The following ZNF670 variants were observed in gnomAD, a reference collection of about 807,000 sequenced individuals.
ZNF670 encodes zinc finger protein 670.
In ZNF670, 7 loss-of-function variants were observed where a neutral mutation model predicts 10.9. The ratio of observed to expected loss-of-function variants is 0.64; its 90% CI spans 0.36 to 1.20. The LOEUF (loss-of-function observed/expected upper bound fraction) is 1.20. ZNF670 is among the 50% of genes most tolerant of loss of function. The probability of loss-of-function intolerance (pLI) is 0.02; values close to 1 mark genes in which losing one functional copy is unlikely to be tolerated. For missense variants in ZNF670, 446 were observed against 458.6 expected (o/e 0.97, Z 0.25); for synonymous variants, 136 against 152.7 (o/e 0.89, Z 0.81).
At chr1:247,061,634 C>T (rs1388299929) in intron 1 of ZNF670, among the ~76,000 whole-genome samples, 2 of 152,134 alleles carry the variant, frequency 1.3e-5, no homozygotes, top group African/African-American at 4.8e-5. Context: ...CTCCCCATAA[C>T]GTAGGCTCTT....
At chr1:247,048,117 C>T (rs1303090286) in intron 1 of ZNF670, among the ~76,000 whole-genome samples, 1 of 152,172 alleles carries the variant, frequency 6.6e-6, no homozygotes, top group Admixed American at 6.5e-5. Flanking sequence ...TTATGCTCTG[C>T]TTCTCTTTTA....
At chr1:247,077,432 A>G (rs905422335) in intron 1 of ZNF670, among the ~76,000 whole-genome samples, 1 of 152,198 alleles carries the variant, frequency 6.6e-6, no homozygotes, top group African/African-American at 2.4e-5. Flanking sequence ...CCAAAAGGGA[A>G]CTTCACCCCA....
At chr1:247,062,148 A>G (rs1670873570) in intron 1 of ZNF670, among the ~76,000 whole-genome samples, 3 of 152,230 alleles carry the variant, frequency 2.0e-5, no homozygotes, top group Admixed American at 2.0e-4. Context: ...AAAATGAGAA[A>G]GTGATGTTTT....
chr1:247,060,832 A>G (rs892255115), intron 1 of ZNF670, among the ~76,000 whole-genome samples: 6 of 152,236 alleles, frequency 3.9e-5, no homozygotes, highest in African/African-American at 1.4e-4. Context: ...CTTATAATTC[A>G]TAATTCTGGA....
intron 1 of ZNF670, among the ~76,000 whole-genome samples, chr1:247,076,462 T>G (rs992202639): frequency 1.3e-5 from 2 of 151,836 alleles, no homozygotes; most frequent in Non-Finnish European, 2.9e-5. Flanking sequence ...TTCATCACAT[T>G]AGCCAGGATG....
intron 1 of ZNF670, among the ~76,000 whole-genome samples, chr1:247,054,885 C>T (rs1301078369): frequency 2.0e-5 from 3 of 152,078 alleles, no homozygotes; most frequent in Admixed American, 6.6e-5. Flanking sequence ...TAAAAACATA[C>T]AATGGATACA....
chr1:247,068,319 C>CAAAAAAAAAAAAAAAAAAA lies in ZNF670; in HGVS notation c.3+10274_3+10275insTTTTTTTTTTTTTTTTTTT, dbSNP rs74163724. 3.8e-3 allele frequency among the ~76,000 whole-genome samples: 212 copies of CAAAAAAAAAAAAAAAAAAA among 55,138 alleles called. 6 individuals are homozygous for CAAAAAAAAAAAAAAAAAAA. The highest frequency in any genetic ancestry group is 4.6e-3 in the African/African-American group (45 of 9,700). 36.2% of individuals were successfully genotyped at this position (55,138 alleles called of 152,430 possible). ...AGGTGACAGAGTAAGATTCTGTCTCCAAAAAAAAAAAAAAAAAAGATGGGC... is the reference window on the plus strand; with the variant it reads ...AGGTGACAGAGTAAGATTCTGTCTCCAAAAAAAAAAAAAAAAAAAAAAAAAAAAAAAAAAAAAGATGGGC... On this transcript the variant is annotated intron_variant, in intron 1 of 3. Coordinates refer to ENST00000366503, the MANE Select transcript of ZNF670 (RefSeq NM_033213.5).
chr1:247,065,248 C>T (rs972769633), intron 1 of ZNF670, among the ~76,000 whole-genome samples: 1 of 152,216 alleles, frequency 6.6e-6, no homozygotes, highest in Admixed American at 6.5e-5. Flanking sequence ...TTTGCTATAG[C>T]TCAGATAAGG....
intron 1 of ZNF670, among the ~76,000 whole-genome samples, chr1:247,053,725 C>T (rs7513788): frequency 0.028 from 4,230 of 152,182 alleles, 197 homozygotes; most frequent in African/African-American, 0.094. Context: ...ATAAAACAGA[C>T]GCTGAAAAAT....
chr1:247,070,926 AC>A (rs1671099859), intron 1 of ZNF670, among the ~76,000 whole-genome samples: 1 of 152,170 alleles, frequency 6.6e-6, no homozygotes, highest in African/African-American at 2.4e-5. Flanking sequence ...GCAAATCAAA[AC>A]CATCCAGTCA....
intron 1 of ZNF670, among the ~76,000 whole-genome samples, chr1:247,042,094 T>G (rs1475523843): frequency 6.6e-6 from 1 of 152,240 alleles, no homozygotes; most frequent in Non-Finnish European, 1.5e-5. Flanking sequence ...TTACTCATTC[T>G]TACTGTATTT....
In ZNF670 at chr1:247,037,718, T is replaced by TTCA; in HGVS notation, c.900_901insTGA (p.Glu300_Arg301insTer). The TTCA allele has an allele frequency of 6.2e-7, 1 of 1,613,946 alleles. No individual in the cohort carries two copies. Among genetic ancestry groups the TTCA allele is most frequent in the South Asian group, 1.1e-5 (1 of 91,054 alleles). ...TAGGGCTTTTCTCCACTGTGAGTCC[T>TTCA]TTCATGGACTCTGAGGACTCTGGAA... On this transcript the variant is annotated stop_gained and inframe_insertion, in exon 4 of 4. Transcript: ENST00000366503. LOFTEE classifies it low-confidence loss of function (END_TRUNC).
At chr1:247,070,216 A>C (rs1671083169) in intron 1 of ZNF670, among the ~76,000 whole-genome samples, 1 of 152,218 alleles carries the variant, frequency 6.6e-6, no homozygotes, top group Non-Finnish European at 1.5e-5. Context: ...TCACACCTGT[A>C]ATCCCAGCAC....
chr1:247,076,833 G>A (rs908152507), intron 1 of ZNF670, among the ~76,000 whole-genome samples: 1 of 152,038 alleles, frequency 6.6e-6, no homozygotes, highest in Non-Finnish European at 1.5e-5. Context: ...GCTAATTTTT[G>A]TATTTTTAGT....
chr1:247,049,441 C>G (rs1670540250), intron 1 of ZNF670, among the ~76,000 whole-genome samples: 1 of 152,012 alleles, frequency 6.6e-6, no homozygotes, highest in Non-Finnish European at 1.5e-5. Flanking sequence ...AATGGTATAT[C>G]AATTTTGTTT....
At chr1:247,052,581 G>A (rs191176126) in intron 1 of ZNF670, among the ~76,000 whole-genome samples, 19 of 152,092 alleles carry the variant, frequency 1.2e-4, no homozygotes, top group Admixed American at 1.2e-3. Flanking sequence ...TGCTAATTAC[G>A]CTAGCAATGA....
At chr1:247,038,696 T>G (rs1572554257) in intron 3 of ZNF670, 114 bp downstream of exon 3, 1 of 947,456 alleles carries the variant, frequency 1.1e-6, no homozygotes, top group African/African-American at 1.7e-5. Context: ...TTGCTAAGAC[T>G]TTTCTGGAAA....
intron 1 of ZNF670, among the ~76,000 whole-genome samples, chr1:247,072,839 T>C (rs796456828): frequency 0.014 from 966 of 68,458 alleles, 51 homozygotes; most frequent in South Asian, 0.068. Context: ...TATATATATA[T>C]GCATACACAC....
intron 1 of ZNF670, among the ~76,000 whole-genome samples, chr1:247,047,422 C>A (rs748942352): frequency 2.0e-5 from 3 of 152,130 alleles, no homozygotes; most frequent in Non-Finnish European, 2.9e-5. Context: ...TCCAACCCCA[C>A]ATTTCCCTTC....
Sources: gnomAD v4.1 joint callset for allele counts (sites outside exome capture counted in the v4.1 genomes callset) on GRCh38, gnomAD v4.1.1 for gene constraint, MANE v1.5 for transcripts, NCBI Gene and HGNC (gene_info 2026-07-23, HGNC 2026-07-21) for gene names.